DSCAM: variants seen among roughly 807,000 people sequenced by gnomAD.
DSCAM encodes DS cell adhesion molecule.
In DSCAM, 47 loss-of-function variants were observed where a neutral mutation model predicts 217.7. The ratio of observed to expected loss-of-function variants is 0.22; its 90% confidence interval spans 0.17 to 0.28. The LOEUF (loss-of-function observed/expected upper bound fraction) is 0.28. DSCAM is among the 10% of genes least tolerant of loss of function. The pLI, the probability that DSCAM is intolerant of heterozygous loss-of-function variation, is 1.00. For synonymous variants in DSCAM, 1,056 were observed against 1,015.3 expected, an observed-to-expected ratio of 1.04 and a Z score of -0.76; for missense variants, 2,080 against 2,618.3, an observed-to-expected ratio of 0.79 and a Z score of 4.49.
At chr21:40,260,851 T>G (rs969361458) in intron 11 of DSCAM, among the ~76,000 whole-genome samples, 1 of 152,172 alleles carries the variant, frequency 6.6e-6, no homozygotes, top group African/African-American at 2.4e-5. Flanking sequence ...TAAAAATGAT[T>G]ACATGATAAT....
chr21:40,139,829 C>G (rs1216241112), intron 18 of DSCAM, among the ~76,000 whole-genome samples: 2 of 138,716 alleles, frequency 1.4e-5, no homozygotes, highest in African/African-American at 5.4e-5. Context: ...GTGTGGTATG[C>G]GTGGTGTGGT....
chr21:40,736,166 A>G lies in DSCAM; in HGVS notation c.44-27395T>C, dbSNP rs151317285. Among the ~76,000 whole-genome samples the G allele has an allele frequency of 3.5e-4, 53 of 152,294 alleles. No individual in the cohort carries two copies. The East Asian group carries it at 0.01, about 29-fold the overall frequency. On this transcript the variant is annotated intron_variant, in intron 1 of 32. Transcript: ENST00000400454. ...AAATGTGAGGAGAGATGCATAGGGC[A>G]AGGTATGGGGAAAGGGACACAGAGC...
chr21:40,149,361 A>G (rs1025529644), intron 16 of DSCAM, among the ~76,000 whole-genome samples: 1 of 147,720 alleles, frequency 6.8e-6, no homozygotes, highest in Non-Finnish European at 1.5e-5. Context: ...ACCACCATCC[A>G]TTACTTCTTC....
chr21:40,705,913 G>A (rs968668276), intron 2 of DSCAM, among the ~76,000 whole-genome samples: 2 of 152,240 alleles, frequency 1.3e-5, no homozygotes, highest in Admixed American at 1.3e-4. Flanking sequence ...GGCCGGGGTC[G>A]CTCATGCCTG....
chr21:40,613,173 AAAGATT>A (rs1197388276), intron 3 of DSCAM, among the ~76,000 whole-genome samples: 5 of 152,356 alleles, frequency 3.3e-5, no homozygotes, highest in African/African-American at 1.2e-4. Context: ...TAAGTTAGAT[AAAGATT>A]AAAACATATA....
chr21:40,746,718 G>A (rs1433221952), intron 1 of DSCAM, among the ~76,000 whole-genome samples: 1 of 151,852 alleles, frequency 6.6e-6, no homozygotes, highest in Non-Finnish European at 1.5e-5. Context: ...TAGATCAAAT[G>A]AATCCAACAG....
chr21:40,702,465 GTTGAT>G (rs1213932766), intron 2 of DSCAM, among the ~76,000 whole-genome samples: 2 of 152,046 alleles, frequency 1.3e-5, no homozygotes, highest in African/African-American at 4.8e-5. Context: ...CTTTAATTAG[GTTGAT>G]TTGATTTGAT....
intron 32 of DSCAM, among the ~76,000 whole-genome samples, chr21:40,037,820 T>C (rs1034806820): frequency 7.1e-6 from 1 of 140,526 alleles, no homozygotes; most frequent in African/African-American, 2.7e-5. Context: ...AAAACACAGA[T>C]ATAGAACAAT....
At chr21:40,353,866 A>C in intron 4 of DSCAM, 123 bp from the exon 5 acceptor site, 1 of 867,136 alleles carries the variant, frequency 1.2e-6, no homozygotes, top group Non-Finnish European at 1.6e-6. Flanking sequence ...ACAGATCTTT[A>C]AGATTTTATA....
intron 3 of DSCAM, among the ~76,000 whole-genome samples, chr21:40,597,097 C>T (rs1233376666): frequency 6.6e-6 from 1 of 152,142 alleles, no homozygotes; most frequent in African/African-American, 2.4e-5. Flanking sequence ...TAATTTATCA[C>T]ATTTTCAGAA....
intron 16 of DSCAM, among the ~76,000 whole-genome samples, chr21:40,145,164 T>G (rs1805387204): frequency 6.6e-6 from 1 of 152,146 alleles, no homozygotes; most frequent in African/African-American, 2.4e-5. Flanking sequence ...AGACTGACCC[T>G]CAGGCCTGCA....
chr21:40,566,968 G>A (rs2076769623), intron 3 of DSCAM, among the ~76,000 whole-genome samples: 1 of 151,922 alleles, frequency 6.6e-6, no homozygotes, highest in African/African-American at 2.4e-5. Context: ...TCCTTTCAGT[G>A]CGAAGGAGAA....
intron 1 of DSCAM, among the ~76,000 whole-genome samples, chr21:40,845,374 T>C (rs2092135636): frequency 1.3e-5 from 2 of 152,194 alleles, no homozygotes; most frequent in African/African-American, 4.8e-5. Flanking sequence ...ATGCTGATTC[T>C]TTAGGCACTG....
chr21:40,540,403 T>G (rs1166329265), intron 3 of DSCAM, among the ~76,000 whole-genome samples: 1 of 152,126 alleles, frequency 6.6e-6, no homozygotes, highest in East Asian at 1.9e-4. Flanking sequence ...CAGCGTAATC[T>G]CTCTGTCGAT....
intron 3 of DSCAM, among the ~76,000 whole-genome samples, chr21:40,692,411 G>T (rs1158743691): frequency 1.3e-5 from 2 of 152,172 alleles, no homozygotes; most frequent in African/African-American, 2.4e-5. Context: ...AGCACCAAAA[G>T]GTCATGAAAA....
intron 20 of DSCAM, among the ~76,000 whole-genome samples, chr21:40,122,015 G>A (rs1045399185): frequency 6.6e-6 from 1 of 152,070 alleles, no homozygotes; most frequent in Non-Finnish European, 1.5e-5. Context: ...TCCCTTTTGA[G>A]AGTGTGTTGT....
intron 21 of DSCAM, among the ~76,000 whole-genome samples, chr21:40,090,785 C>G (rs1019790457): frequency 6.6e-6 from 1 of 152,236 alleles, no homozygotes; most frequent in Non-Finnish European, 1.5e-5. Context: ...CCAGATGTCT[C>G]TTGAGAGCCA....
In DSCAM at chr21:40,152,066, C is replaced by T. The variant is rs117326656; in HGVS notation, c.3019-7335G>A. The stretch of plus-strand genomic sequence containing the variant: ...ATTTACAGCAAATCTCACCTGGTAA[C>T]CAGTCATCTTAAGACAAATTAAAGG... On this transcript the variant is annotated intron_variant, in intron 16 of 32. Transcript: ENST00000400454. Among the ~76,000 whole-genome samples the T allele has an allele frequency of 8.1e-4, 123 of 151,598 alleles. 4 individuals are homozygous for T. The East Asian group carries it at 0.021, about 26-fold the overall frequency.
chr21:40,521,201 C>G (rs1426964126), intron 3 of DSCAM, among the ~76,000 whole-genome samples: 1 of 152,142 alleles, frequency 6.6e-6, no homozygotes, highest in Non-Finnish European at 1.5e-5. Context: ...GTACTGACAT[C>G]TAGTGGGTGG....
Sources: gnomAD v4.1 joint callset for allele counts (sites outside exome capture counted in the v4.1 genomes callset) on GRCh38, gnomAD v4.1.1 for gene constraint, MANE v1.5 for transcripts, NCBI Gene and HGNC (gene_info 2026-07-23, HGNC 2026-07-21) for gene names.